ELMO1: variants seen among roughly 807,000 people sequenced by gnomAD.
ELMO1 encodes the protein engulfment and cell motility 1.
In ELMO1, 26 loss-of-function variants were observed where a neutral mutation model predicts 98.9. The observed-to-expected ratio is 0.26, with a 90% CI of 0.19 to 0.36. The LOEUF is 0.36. ELMO1 is among the 10% of genes least tolerant of loss of function. The pLI is 1.00. For synonymous variants in ELMO1, 346 were observed against 346.0 expected, an observed-to-expected ratio of 1.00 and a Z score of 0.00; for missense variants, 627 against 935.2, an observed-to-expected ratio of 0.67 and a Z score of 4.30.
intron 1 of ELMO1, among the ~76,000 whole-genome samples, chr7:37,381,138 G>T (rs773461365): frequency 5.9e-5 from 9 of 152,108 alleles, no homozygotes; most frequent in Admixed American, 1.3e-4. Context: ...ACTGATTTGG[G>T]GGTTACAAAT....
intron 1 of ELMO1, among the ~76,000 whole-genome samples, chr7:37,438,093 A>C (rs1402923941): frequency 6.6e-6 from 1 of 152,074 alleles, no homozygotes; most frequent in African/African-American, 2.4e-5. Context: ...GAAACTTTCT[A>C]TCTGGGTTTG....
intron 16 of ELMO1, among the ~76,000 whole-genome samples, chr7:36,985,596 CTTA>C (rs140567101): frequency 0.023 from 3,438 of 152,288 alleles, 140 homozygotes; most frequent in African/African-American, 0.079. Context: ...AGGGTTGACT[CTTA>C]TTATTAATGT....
intron 15 of ELMO1, among the ~76,000 whole-genome samples, chr7:37,019,101 G>C (rs967765590): frequency 2.6e-5 from 4 of 152,200 alleles, no homozygotes; most frequent in African/African-American, 9.7e-5. Flanking sequence ...TGAACTCTCT[G>C]AATGTGTAAC....
intron 1 of ELMO1, among the ~76,000 whole-genome samples, chr7:37,444,908 C>T (rs1211203095): frequency 6.6e-6 from 1 of 152,212 alleles, no homozygotes; most frequent in African/African-American, 2.4e-5. Flanking sequence ...GTTAAACCAA[C>T]AGTATTTTGT....
intron 6 of ELMO1, among the ~76,000 whole-genome samples, chr7:37,254,525 A>G (rs1009705874): frequency 3.9e-5 from 6 of 152,240 alleles, no homozygotes; most frequent in Admixed American, 3.9e-4. Flanking sequence ...CACCTAGGCT[A>G]TGTGGCACAG....
intron 4 of ELMO1, among the ~76,000 whole-genome samples, chr7:37,272,671 G>A (rs551221713): frequency 1.3e-3 from 194 of 145,712 alleles, no homozygotes; most frequent in Middle Eastern, 3.5e-3. Flanking sequence ...GTGAAACTCC[G>A]TCTTAAAGGA....
At chr7:37,245,419 C>A (rs1454277268) in intron 6 of ELMO1, among the ~76,000 whole-genome samples, 1 of 152,128 alleles carries the variant, frequency 6.6e-6, no homozygotes, top group African/African-American at 2.4e-5. Context: ...ACATTCTCAA[C>A]CACATAAAAT....
At chr7:37,125,041 T>G (rs1786400901) in intron 14 of ELMO1, among the ~76,000 whole-genome samples, 2 of 152,268 alleles carry the variant, frequency 1.3e-5, no homozygotes, top group East Asian at 1.9e-4. Flanking sequence ...GGGGAAAGGA[T>G]TCCCTATTTA....
At chr7:37,101,756 T>C (rs1309026697) in intron 14 of ELMO1, among the ~76,000 whole-genome samples, 1 of 151,752 alleles carries the variant, frequency 6.6e-6, no homozygotes, top group Non-Finnish European at 1.5e-5. Flanking sequence ...TTAAGGGGGA[T>C]AAAGGGGGCT....
At chr7:37,126,010 A>T (rs1250756742) in intron 14 of ELMO1, among the ~76,000 whole-genome samples, 1 of 152,176 alleles carries the variant, frequency 6.6e-6, no homozygotes, top group African/African-American at 2.4e-5. Context: ...ACATGGATGA[A>T]GCTGGAAACC....
intron 13 of ELMO1, chr7:37,204,099 C>T (rs566956073): frequency 2.9e-4 from 131 of 456,432 alleles, no homozygotes; most frequent in Admixed American, 2.6e-3. Flanking sequence ...AGGGGTCCGA[C>T]GGTACTCACC....
chr7:37,298,210 G>A (rs1216935739), intron 4 of ELMO1, among the ~76,000 whole-genome samples: 1 of 149,594 alleles, frequency 6.7e-6, no homozygotes, highest in African/African-American at 2.5e-5. Flanking sequence ...GACAAGTCTA[G>A]AGCTACAAGA....
intron 1 of ELMO1, among the ~76,000 whole-genome samples, chr7:37,401,371 A>G (rs1321392300): frequency 6.6e-6 from 1 of 152,102 alleles, no homozygotes. Context: ...CCTTCCCCTC[A>G]CCCCTTTTCT....
intron 8 of ELMO1, 134 bp from the exon 9 acceptor site, chr7:37,225,164 A>G: frequency 1.1e-6 from 1 of 946,872 alleles, no homozygotes; most frequent in East Asian, 2.6e-5. Flanking sequence ...AATTACAGCA[A>G]AATAGCAAGA....
chr7:36,972,150 G>C (rs1336005785), intron 16 of ELMO1, among the ~76,000 whole-genome samples: 1 of 152,140 alleles, frequency 6.6e-6, no homozygotes, highest in Non-Finnish European at 1.5e-5. Context: ...AATCTAAGAA[G>C]CAGGTATTAT....
intron 5 of ELMO1, among the ~76,000 whole-genome samples, chr7:37,262,885 T>G (rs1796046253): frequency 1.3e-5 from 2 of 152,186 alleles, no homozygotes; most frequent in African/African-American, 4.8e-5. Flanking sequence ...ACCAAGGAAC[T>G]GTGATGAGAT....
chr7:37,316,001 T>C (rs746710384), intron 2 of ELMO1, 41 bp from the exon 3 acceptor site: 17 of 1,424,214 alleles, frequency 1.2e-5, no homozygotes, highest in Non-Finnish European at 1.5e-5. Flanking sequence ...TAGTTTCGTT[T>C]CATCATTTTA....
intron 15 of ELMO1, among the ~76,000 whole-genome samples, chr7:37,016,688 C>A (rs1010024802): frequency 2.6e-5 from 4 of 152,218 alleles, no homozygotes; most frequent in African/African-American, 9.7e-5. Flanking sequence ...AAGGCCTGCA[C>A]CGCCAGCAGC....
At chr7:36,893,263 G>A (rs1235167730) in intron 17 of ELMO1, among the ~76,000 whole-genome samples, 1 of 152,206 alleles carries the variant, frequency 6.6e-6, no homozygotes, top group Admixed American at 6.5e-5. Flanking sequence ...GATGGGGCAA[G>A]GAGCCATTGT....
Sources: allele counts gnomAD v4.1 joint callset (sites outside exome capture counted in the v4.1 genomes callset), GRCh38; gene constraint gnomAD v4.1.1; transcripts MANE v1.5; gene names NCBI Gene and HGNC (gene_info 2026-07-23, HGNC 2026-07-21).